The following BCAS3 variants were observed in gnomAD, a reference collection of about 807,000 sequenced individuals.
BCAS3 encodes the protein BCAS3 microtubule associated cell migration factor, also known as BCAS4/BCAS3 fusion.
BCAS3 carries 53 observed loss-of-function variants against 116.1 expected under a neutral mutation model. That is an observed-to-expected ratio of 0.46 (90% CI 0.37 to 0.57). The LOEUF is 0.57. Ranked by LOEUF, BCAS3 falls within the 20% of genes least tolerant of loss-of-function variation. The pLI is 0.00. For synonymous variants in BCAS3, 391 were observed against 408.2 expected (o/e 0.96, Z 0.51); for missense variants, 917 against 1,165.4 (o/e 0.79, Z 3.10).
intron 22 of BCAS3, among the ~76,000 whole-genome samples, chr17:61,225,942 G>A (rs974016182): frequency 3.9e-5 from 6 of 152,142 alleles, no homozygotes; most frequent in African/African-American, 1.4e-4. Context: ...ATATGCTATG[G>A]AAACAATACT....
intron 4 of BCAS3, among the ~76,000 whole-genome samples, chr17:60,702,456 C>G (rs1446453617): frequency 1.3e-5 from 2 of 152,096 alleles, no homozygotes; most frequent in African/African-American, 2.4e-5. Flanking sequence ...TCCCAAGAAT[C>G]AGAGAGAAGT....
In BCAS3 at chr17:61,193,454, G is replaced by C. The variant is rs1362719988; in HGVS notation, c.2425+108890G>C. On this transcript the variant is annotated intron_variant, in intron 22 of 23. Coordinates refer to ENST00000407086, the MANE Select transcript of BCAS3 (RefSeq NM_017679.5). ...TGTCAATAATCAAACTTCAATGACA[G>C]GGGATATAAGACTGAATTTTTGGCC... Among the ~76,000 whole-genome samples the C allele has an allele frequency of 3.3e-5, 5 of 152,002 alleles. No individual in the cohort carries two copies. In the East Asian group the frequency reaches 9.8e-4, roughly 30 times the overall value.
At chr17:60,698,071 C>A (rs998453523) in intron 4 of BCAS3, among the ~76,000 whole-genome samples, 3 of 148,922 alleles carry the variant, frequency 2.0e-5, no homozygotes, top group African/African-American at 7.4e-5. Flanking sequence ...CCCAGCTACT[C>A]GGGAGGCTGA....
At chr17:60,864,949 C>T (rs867431822) in intron 7 of BCAS3, among the ~76,000 whole-genome samples, 1 of 152,146 alleles carries the variant, frequency 6.6e-6, no homozygotes, top group Non-Finnish European at 1.5e-5. Flanking sequence ...TCAGAACACA[C>T]TCATTTATTG....
intron 5 of BCAS3, among the ~76,000 whole-genome samples, chr17:60,740,719 G>T (rs766762882): frequency 1.3e-5 from 2 of 152,018 alleles, no homozygotes; most frequent in African/African-American, 4.8e-5. Flanking sequence ...AAGGTAAGAG[G>T]AGATTGGATT....
intron 22 of BCAS3, among the ~76,000 whole-genome samples, chr17:61,266,322 C>T (rs1291169329): frequency 6.6e-6 from 1 of 152,182 alleles, no homozygotes; most frequent in Non-Finnish European, 1.5e-5. Context: ...AAGAGACACA[C>T]ACCATCCACA....
At chr17:61,267,441 G>GA (rs1351700937) in intron 22 of BCAS3, among the ~76,000 whole-genome samples, 1 of 150,678 alleles carries the variant, frequency 6.6e-6, no homozygotes, top group Non-Finnish European at 1.5e-5. Flanking sequence ...TTTTTGAAAA[G>GA]AAAAAACTAA....
At position 60,841,711 on chromosome 17, in the gene BCAS3, C is replaced by G. The variant is rs116479186; in HGVS notation, c.477-26865C>G. ...CTCATAGTTTCTATGGGTTAGGAGTCCAGGCACAATTTAACTGGTTCATTA... is the reference window on the plus strand; with the variant it reads ...CTCATAGTTTCTATGGGTTAGGAGTGCAGGCACAATTTAACTGGTTCATTA... On this transcript the variant is annotated intron_variant, in intron 7 of 23. Transcript: ENST00000407086. Among the ~76,000 whole-genome samples, 742 of 151,976 alleles carry G rather than the reference C, an allele frequency of 4.9e-3. 6 individuals are homozygous for G. The highest frequency in any genetic ancestry group is 0.016 in the African/African-American group (672 of 41,434).
At chr17:60,982,152 A>AT (rs1253961733) in intron 14 of BCAS3, among the ~76,000 whole-genome samples, 5 of 151,280 alleles carry the variant, frequency 3.3e-5, no homozygotes, top group Admixed American at 6.6e-5. Context: ...TGTGTGTGTG[A>AT]TTTTTTTAAA....
At chr17:60,851,491 C>T (rs2053156462) in intron 7 of BCAS3, 2 of 557,600 alleles carry the variant, frequency 3.6e-6, no homozygotes, top group East Asian at 4.5e-5. Context: ...GAAGCGAAGC[C>T]GAAAAAGGCA....
intron 23 of BCAS3, among the ~76,000 whole-genome samples, chr17:61,386,818 T>C (rs1169490229): frequency 7.1e-6 from 1 of 140,202 alleles, no homozygotes; most frequent in Admixed American, 7.8e-5. Flanking sequence ...TTTTTTGAGA[T>C]GCCAGGCTGG....
intron 22 of BCAS3, among the ~76,000 whole-genome samples, chr17:61,257,312 G>T (rs560639732): frequency 6.6e-6 from 1 of 151,040 alleles, no homozygotes; most frequent in African/African-American, 2.4e-5. Context: ...TCCCAGCTAC[G>T]CAGGAGGCTA....
chr17:60,958,973 A>G (rs1443754452), intron 14 of BCAS3, among the ~76,000 whole-genome samples: 1 of 152,236 alleles, frequency 6.6e-6, no homozygotes, highest in Non-Finnish European at 1.5e-5. Flanking sequence ...AAGTTATTAG[A>G]GCACCAAAAG....
intron 22 of BCAS3, among the ~76,000 whole-genome samples, chr17:61,127,207 T>G (rs969382753): frequency 3.9e-5 from 6 of 152,226 alleles, no homozygotes; most frequent in Admixed American, 1.3e-4. Flanking sequence ...TAGTGACTTT[T>G]CTGGCTAAAT....
chr17:60,790,740 GTTT>G lies in BCAS3; in HGVS notation c.404-17245_404-17243del, dbSNP rs541425777. On this transcript the variant is annotated intron_variant, in intron 6 of 23. Coordinates refer to ENST00000407086, the MANE Select transcript of BCAS3 (RefSeq NM_017679.5). ...TCATAAACATTAGTTGTGTTTGTAGGTTTTTTTTTTTTTTTTTTTTTGAGATAG... is the reference window on the plus strand; with the variant it reads ...TCATAAACATTAGTTGTGTTTGTAGGTTTTTTTTTTTTTTTTTTGAGATAG... Among the ~76,000 whole-genome samples the G allele has an allele frequency of 4.7e-3, 556 of 118,896 alleles. 2 individuals carry two copies. Among genetic ancestry groups the G allele is most frequent in the Middle Eastern group, 9.1e-3 (2 of 220 alleles). The allele number at this position is 118,896 out of a possible 152,430, so 78.0% of individuals were successfully genotyped here.
Position 61,215,414 on chromosome 17 carries a change from A to G in BCAS3, c.2425+130850A>G, listed in dbSNP as rs1260081723. ...TCTTCAGTTTTGTATTTTGTGAAGCATCTACACTAGATGATTCCTGTCCTC... is the reference window on the plus strand; with the variant it reads ...TCTTCAGTTTTGTATTTTGTGAAGCGTCTACACTAGATGATTCCTGTCCTC... On this transcript the variant is annotated intron_variant, in intron 22 of 23. Transcript: ENST00000407086. The surrounding 1 kb of genome is among the most constrained non-coding windows in gnomAD (Gnocchi z 4.8). Among the ~76,000 whole-genome samples the G allele has an allele frequency of 6.6e-6, 1 of 152,086 alleles. No individual in the cohort carries two copies. The highest frequency in any genetic ancestry group is 2.4e-5 in the African/African-American group (1 of 41,406).
intron 6 of BCAS3, among the ~76,000 whole-genome samples, chr17:60,763,492 T>C (rs1413794813): frequency 6.6e-6 from 1 of 152,208 alleles, no homozygotes; most frequent in Non-Finnish European, 1.5e-5. Flanking sequence ...ATGTGATGGA[T>C]TATGTTTACT....
intron 14 of BCAS3, among the ~76,000 whole-genome samples, chr17:60,981,554 A>T (rs1449712269): frequency 6.6e-6 from 1 of 152,178 alleles, no homozygotes; most frequent in Non-Finnish European, 1.5e-5. Flanking sequence ...AAGTGCTAGG[A>T]TTACCTACGT....
In BCAS3 at chr17:61,145,219, C is replaced by A. The variant is rs2077131062; in HGVS notation, c.2425+60655C>A. Among the ~76,000 whole-genome samples the A allele has an allele frequency of 6.6e-6, 1 of 152,152 alleles. No individual in the cohort carries two copies. The highest frequency in any genetic ancestry group is 1.5e-5 in the Non-Finnish European group (1 of 68,032). On this transcript the variant is annotated intron_variant, in intron 22 of 23. Coordinates refer to ENST00000407086, the MANE Select transcript of BCAS3 (RefSeq NM_017679.5). This position sits in a 1 kb window ranked among gnomAD's most constrained non-coding sequence, Gnocchi z 5.0. ...ATTTTCCTTGTGAAATGATTTCCAC[C>A]AGTCTTGAATCTTTCTTGTTTCTGC...
Sources: allele counts gnomAD v4.1 joint callset (sites outside exome capture counted in the v4.1 genomes callset), GRCh38; gene constraint gnomAD v4.1.1; non-coding constraint Gnocchi (gnomAD v3.1); transcripts MANE v1.5; gene names NCBI Gene and HGNC (gene_info 2026-07-23, HGNC 2026-07-21).